Variants in SH3KBP1 observed in about 807,000 individuals in gnomAD.
The protein encoded by SH3KBP1 is SH3 domain-containing kinase-binding protein 1.
SH3KBP1 carries 8 observed loss-of-function variants against 50.1 expected under a neutral mutation model. The observed-to-expected ratio is 0.16, with a 90% confidence interval of 0.09 to 0.29. The LOEUF (loss-of-function observed/expected upper bound fraction) is 0.29. SH3KBP1 is among the 10% of genes least tolerant of loss of function. The pLI is 1.00. For synonymous variants in SH3KBP1, 227 were observed against 218.6 expected, an observed-to-expected ratio of 1.04 and a Z score of -0.34; for missense variants, 377 against 535.2, an observed-to-expected ratio of 0.70 and a Z score of 2.92.
chrX:19,578,798 A>G (rs911198061), intron 12 of SH3KBP1, among the ~76,000 whole-genome samples: 2 of 112,276 alleles, frequency 1.8e-5, no homozygotes, highest in African/African-American at 6.5e-5. Flanking sequence ...GTTACTGCTC[A>G]TGGAACTTGG....
chrX:19,701,284 T>C (rs778945564), intron 4 of SH3KBP1, among the ~76,000 whole-genome samples: 16 of 112,021 alleles, frequency 1.4e-4, no homozygotes, highest in Non-Finnish European at 2.4e-4. Context: ...TTTTCTCCCA[T>C]TGCTATTTCC....
chrX:19,685,844 C>G (rs1329071282), intron 5 of SH3KBP1, among the ~76,000 whole-genome samples: 1 of 111,565 alleles, frequency 9.0e-6, no homozygotes, highest in Admixed American at 9.5e-5. Context: ...CCACTCCCCT[C>G]CCTCAGCACG....
At chrX:19,663,710 C>T (rs945355322) in intron 6 of SH3KBP1, among the ~76,000 whole-genome samples, 3 of 111,896 alleles carry the variant, frequency 2.7e-5, no homozygotes, top group Non-Finnish European at 5.6e-5. Flanking sequence ...ATACTCCCCC[C>T]ATAGGACAAC....
At chrX:19,657,557 G>A (rs1178008164) in intron 6 of SH3KBP1, among the ~76,000 whole-genome samples, 2 of 108,488 alleles carry the variant, frequency 1.8e-5, no homozygotes, top group Non-Finnish European at 3.8e-5. Context: ...GTGAAACCCT[G>A]TCTCTACAAA....
At chrX:19,653,061 A>G (rs1472795881) in intron 6 of SH3KBP1, among the ~76,000 whole-genome samples, 1 of 111,524 alleles carries the variant, frequency 9.0e-6, no homozygotes, top group East Asian at 2.8e-4. Context: ...ATCACTGCTC[A>G]CTATAGTAGC....
chrX:19,851,500 C>A (rs1216401623), intron 1 of SH3KBP1, among the ~76,000 whole-genome samples: 2 of 112,203 alleles, frequency 1.8e-5, no homozygotes, highest in Admixed American at 9.4e-5. Context: ...CCAGGACCGG[C>A]CTGATATATA....
rs770394137 is a variant in SH3KBP1, at chrX:19,852,660, C to T, written c.5-16378G>A. On this transcript the variant is annotated intron_variant, in intron 1 of 17. Transcript: ENST00000397821. ...AGAAAAAAAAAAAAAAAAAAAAATC[C>T]ACGAACATACCCAATTGCACACATG... is the stretch of plus-strand genomic sequence containing the variant. Among the ~76,000 whole-genome samples the T allele has an allele frequency of 6.0e-5, 6 of 100,133 alleles. No individual in the cohort carries two copies. The South Asian group carries it at 2.5e-3, about 42-fold the overall frequency. 87.0% of individuals were successfully genotyped at this position (100,133 alleles called of 115,157 possible).
chrX:19,542,231 G>A (rs767761402), intron 15 of SH3KBP1, 38 bp from the exon 16 acceptor site: 2 of 1,129,797 alleles, frequency 1.8e-6, no homozygotes, highest in Non-Finnish European at 2.3e-6. Context: ...CAGGGCCGGG[G>A]ATTTGTGTGC....
In SH3KBP1 at chrX:19,624,940, C is replaced by T. The variant is rs991338884; in HGVS notation, c.897+6924G>A. Among the ~76,000 whole-genome samples, 9 of 112,351 alleles carry T rather than the reference C, an allele frequency of 8.0e-5. 1 individual carries two copies. The highest frequency in any genetic ancestry group is 2.9e-4 in the African/African-American group (9 of 30,907). On this transcript the variant is annotated intron_variant, in intron 8 of 17. Coordinates refer to ENST00000397821, the MANE Select transcript of SH3KBP1 (RefSeq NM_031892.3). The stretch of plus-strand genomic sequence containing the variant: ...AAACATGTCTGTCTAATGGGTCTGT[C>T]AGCATGTCATCATCTTCAGGGTGAC...
At chrX:19,845,381 G>A (rs2068341977) in intron 1 of SH3KBP1, among the ~76,000 whole-genome samples, 1 of 107,021 alleles carries the variant, frequency 9.3e-6, no homozygotes, top group Non-Finnish European at 1.9e-5. Context: ...GGGAGGCTGA[G>A]GCAGGAGAAT....
At chrX:19,564,180 A>G (rs745767206) in intron 13 of SH3KBP1, among the ~76,000 whole-genome samples, 1 of 112,007 alleles carries the variant, frequency 8.9e-6, no homozygotes, top group Non-Finnish European at 1.9e-5. Flanking sequence ...TTTCCTCAAA[A>G]TTTGTATGAG....
At chrX:19,584,545 T>G (rs993491447) in intron 12 of SH3KBP1, among the ~76,000 whole-genome samples, 1 of 108,964 alleles carries the variant, frequency 9.2e-6, no homozygotes, top group Non-Finnish European at 1.9e-5. Context: ...ATTGCCCAGG[T>G]TGGTCTCGAG....
intron 6 of SH3KBP1, among the ~76,000 whole-genome samples, chrX:19,677,094 T>C (rs2062945879): frequency 8.9e-6 from 1 of 111,952 alleles, no homozygotes; most frequent in Non-Finnish European, 1.9e-5. Flanking sequence ...CCAAGACTGG[T>C]AGTGCCTAAA....
rs1407882778 is a variant in SH3KBP1, at chrX:19,718,034, T to G, written c.287-11050A>C. The stretch of plus-strand genomic sequence containing the variant: ...GAGGGGAAGGTATATCCAGCAGCCA[T>G]TAAATATAACAAGTAGCTCTACGTG... On this transcript the variant is annotated intron_variant, in intron 3 of 17. Coordinates refer to ENST00000397821, the MANE Select transcript of SH3KBP1 (RefSeq NM_031892.3). Among the ~76,000 whole-genome samples, 5 of 110,137 alleles carry G rather than the reference T, an allele frequency of 4.5e-5. No homozygotes were observed. The Admixed American group carries it at 4.9e-4, about 11-fold the overall frequency.
chrX:19,807,355 T>C (rs758950813), intron 2 of SH3KBP1, among the ~76,000 whole-genome samples: 46 of 111,950 alleles, frequency 4.1e-4, no homozygotes, highest in Non-Finnish European at 7.1e-4. Flanking sequence ...ACCATGCCCA[T>C]AGCGTTTTTA....
rs1271036756 is a variant in SH3KBP1 at position 19,609,715 on chromosome X, T to C, written c.898-1670A>G. Among the ~76,000 whole-genome samples the C allele has an allele frequency of 5.4e-5, 6 of 111,881 alleles. No individual in the cohort carries two copies. The Admixed American group carries it at 5.7e-4, about 11-fold the overall frequency. ...TGGCTTGTATGGCTCATTTGTACCT[T>C]GTTAGATCATACATTCCAGCAAGGT... On this transcript the variant is annotated intron_variant, in intron 8 of 17. Transcript: ENST00000397821.
At chrX:19,828,674 C>T (rs1179414488) in intron 2 of SH3KBP1, among the ~76,000 whole-genome samples, 1 of 109,477 alleles carries the variant, frequency 9.1e-6, no homozygotes, top group African/African-American at 3.3e-5. Context: ...GTCCTAGCTA[C>T]TTGGGAGGCT....
chrX:19,853,180 A>G (rs912273017), intron 1 of SH3KBP1, among the ~76,000 whole-genome samples: 9 of 112,780 alleles, frequency 8.0e-5, no homozygotes, highest in Non-Finnish European at 1.5e-4. Flanking sequence ...GTTTTAATTT[A>G]CAAAAGAAAA....
At chrX:19,718,978 T>G (rs776184460) in intron 3 of SH3KBP1, among the ~76,000 whole-genome samples, 1 of 111,779 alleles carries the variant, frequency 8.9e-6, no homozygotes, top group African/African-American at 3.3e-5. Flanking sequence ...AGGGGCCCTG[T>G]GGTGTCCATC....
Sources: gnomAD v4.1 joint callset for allele counts (sites outside exome capture counted in the v4.1 genomes callset) on GRCh38, gnomAD v4.1.1 for gene constraint, MANE v1.5 for transcripts, NCBI Gene and HGNC (gene_info 2026-07-23, HGNC 2026-07-21) for gene names.